SYTL3: variants seen among roughly 807,000 people sequenced by gnomAD.
SYTL3 encodes synaptotagmin like 3.
In SYTL3, 88 loss-of-function variants were observed where a neutral mutation model predicts 82.1. The ratio of observed to expected loss-of-function variants is 1.07; its 90% CI spans 0.90 to 1.28. The LOEUF (loss-of-function observed/expected upper bound fraction) is 1.28, where lower values mean the gene tolerates loss of function less well. Among genes scored for constraint, SYTL3 ranks in the 50% most tolerant of loss-of-function variants. The probability of loss-of-function intolerance (pLI) is 0.00; values close to 1 mark genes in which losing one functional copy is unlikely to be tolerated. For missense variants in SYTL3, 831 were observed against 757.6 expected (o/e 1.10, Z -1.14); for synonymous variants, 311 against 289.4 (o/e 1.07, Z -0.76).
At chr6:158,731,489 TA>T (rs1173896246) in intron 11 of SYTL3, among the ~76,000 whole-genome samples, 2 of 152,064 alleles carry the variant, frequency 1.3e-5, no homozygotes, top group Admixed American at 1.3e-4. Flanking sequence ...GGACACATCA[TA>T]CCCAAGTCAA....
At position 158,663,302 on chromosome 6, in the gene SYTL3, G is replaced by A. The variant is rs770410741; in HGVS notation, c.34G>A (p.Glu12Lys). 1 of 1,614,164 alleles carries A rather than the reference G, an allele frequency of 6.2e-7. No homozygotes were observed. Among genetic ancestry groups the A allele is most frequent in the South Asian group, 1.1e-5 (1 of 91,082 alleles). The change falls in exon 4 of 18, where the codon GAG becomes AAG. Residue 12 changes from glutamate (E) to lysine (K), a missense_variant. Glu to Lys is a moderately conservative substitution (Grantham distance 56, BLOSUM62 1). Transcript: ENST00000611299. The stretch of plus-strand genomic sequence containing the variant: ...AGAAATAGATCTGAGTGCTCTCAAG[G>A]AGTTAGAACGCGAGGCCATTCTCCA... ...AQEIDLSALK[E>K]LEREAILQVL...
chr6:158,717,947 C>T, intron 9 of SYTL3, 140 bp from the exon 10 acceptor site: 1 of 659,138 alleles, frequency 1.5e-6, no homozygotes, highest in Non-Finnish European at 2.3e-6. Flanking sequence ...GAATGTGCCG[C>T]CCTTGCTCCT....
intron 2 of SYTL3, among the ~76,000 whole-genome samples, chr6:158,654,663 C>G (rs1265744431): frequency 6.6e-6 from 1 of 152,116 alleles, no homozygotes; most frequent in African/African-American, 2.4e-5. Context: ...CCCAAACAGC[C>G]CTGTGAAGCA....
intron 12 of SYTL3, 92 bp downstream of exon 12, chr6:158,745,750 T>TA (rs11432443): frequency 0.46 from 362,235 of 780,868 alleles, 48,824 homozygotes; most frequent in African/African-American, 0.58. Context: ...AGACAATTAT[T>TA]AAAAAAAAAA....
At chr6:158,646,770 C>A (rs141956450), upstream of SYTL3, among the ~76,000 whole-genome samples, 2 of 152,306 alleles carry the variant, frequency 1.3e-5, no homozygotes, top group African/African-American at 4.8e-5. Context: ...ACTCCCCTGT[C>A]CTGGTGTTTC....
At chr6:158,734,778 T>C (rs1377916567) in intron 11 of SYTL3, among the ~76,000 whole-genome samples, 1 of 152,204 alleles carries the variant, frequency 6.6e-6, no homozygotes, top group Non-Finnish European at 1.5e-5. Flanking sequence ...TATCCAACAC[T>C]TAAATGGCCT....
chr6:158,732,358 C>T (rs1785514165), intron 11 of SYTL3, among the ~76,000 whole-genome samples: 1 of 152,114 alleles, frequency 6.6e-6, no homozygotes, highest in Admixed American at 6.6e-5. Context: ...GCAATGAAGA[C>T]AAGGTATCAA....
chr6:158,672,829 T>C (rs1427266546), intron 5 of SYTL3, among the ~76,000 whole-genome samples: 1 of 152,088 alleles, frequency 6.6e-6, no homozygotes, highest in Admixed American at 6.6e-5. Context: ...AGATAGGGGT[T>C]TCACCTTGTT....
At chr6:158,654,961 ATG>A (rs1788497602) in intron 2 of SYTL3, among the ~76,000 whole-genome samples, 1 of 152,212 alleles carries the variant, frequency 6.6e-6, no homozygotes, top group Admixed American at 6.5e-5. Context: ...CATTACAAAA[ATG>A]TAGCAGGGGA....
At chr6:158,726,940 C>T (rs1784802055) in intron 11 of SYTL3, 1 of 151,576 alleles carries the variant, frequency 6.6e-6, no homozygotes, top group African/African-American at 2.4e-5. Context: ...AGCTCCGCCT[C>T]CCAGGTTCAC....
At chr6:158,743,598 CTTTTTTTTTTTTTT>C (rs397887964) in intron 11 of SYTL3, among the ~76,000 whole-genome samples, 3 of 63,080 alleles carry the variant, frequency 4.8e-5, no homozygotes, top group Non-Finnish European at 3.0e-5. Flanking sequence ...CCAGTCCAAG[CTTTTTTTTTTTTTT>C]TTTTTTTTTT....
At chr6:158,670,655 C>T (rs148910462) in intron 5 of SYTL3, among the ~76,000 whole-genome samples, 4,776 of 151,130 alleles carry the variant, frequency 0.032, 271 homozygotes, top group African/African-American at 0.11. Flanking sequence ...CAGTGGCAGG[C>T]GCCTGTAATC....
Position 158,715,599 on chromosome 6 carries a change from T to TCACACACACACACACACACA in SYTL3, c.595+1738_595+1739insACACACACACACACACACAC, listed in dbSNP as rs72372107. Among the ~76,000 whole-genome samples, 690 of 116,492 alleles carry TCACACACACACACACACACA rather than the reference T, an allele frequency of 5.9e-3. 12 individuals carry two copies. The highest frequency in any genetic ancestry group is 0.018 in the African/African-American group (497 of 28,026). The allele number at this position is 116,492 out of a possible 152,430, so 76.4% of individuals were successfully genotyped here. On this transcript the variant is annotated intron_variant, in intron 9 of 17. Transcript: ENST00000611299. ...ATATGGAAAGCAGACTGAAACCGCA[T>TCACACACACACACACACACA]CACACACACACACACACGCACGCAC... is the stretch of plus-strand genomic sequence containing the variant.
At chr6:158,727,945 G>A (rs544569261) in intron 11 of SYTL3, among the ~76,000 whole-genome samples, 1 of 152,288 alleles carries the variant, frequency 6.6e-6, no homozygotes, top group Admixed American at 6.5e-5. Context: ...TGTGACAATA[G>A]AACTTGGAAG....
chr6:158,683,207 C>T (rs192328058), intron 6 of SYTL3, among the ~76,000 whole-genome samples: 19 of 148,582 alleles, frequency 1.3e-4, no homozygotes, highest in African/African-American at 4.2e-4. Flanking sequence ...CTGAGGTTGG[C>T]CCTATTCCTT....
At chr6:158,672,367 G>A (rs146150031) in intron 5 of SYTL3, among the ~76,000 whole-genome samples, 5 of 152,288 alleles carry the variant, frequency 3.3e-5, no homozygotes, top group African/African-American at 9.6e-5. Context: ...GTTGCTTTCC[G>A]TGGTCTTCCT....
At chr6:158,713,143 C>T (rs1429832170) in intron 8 of SYTL3, among the ~76,000 whole-genome samples, 1 of 152,042 alleles carries the variant, frequency 6.6e-6, no homozygotes, top group Non-Finnish European at 1.5e-5. Flanking sequence ...TCTCCAGAGT[C>T]GTTCCAGTAC....
chr6:158,689,426 G>A (rs1779623596), intron 6 of SYTL3, among the ~76,000 whole-genome samples: 1 of 152,112 alleles, frequency 6.6e-6, no homozygotes. Context: ...GATGTTCTTG[G>A]TATGTGAAGG....
At chr6:158,750,045 C>CA in intron 12 of SYTL3, among the ~76,000 whole-genome samples, 1 of 152,166 alleles carries the variant, frequency 6.6e-6, no homozygotes, top group South Asian at 2.1e-4. Flanking sequence ...TGTATTCATT[C>CA]AGTGGAATGA....
Sources: allele counts gnomAD v4.1 joint callset (sites outside exome capture counted in the v4.1 genomes callset), GRCh38; gene constraint gnomAD v4.1.1; transcripts MANE v1.5; gene names NCBI Gene and HGNC (gene_info 2026-07-23, HGNC 2026-07-21).